The following CAB39 variants were observed in gnomAD, a reference collection of about 807,000 sequenced individuals.
CAB39 encodes the protein calcium binding protein 39, also known as calcium-binding protein 39.
A neutral mutation model predicts 40.0 loss-of-function variants in CAB39; 8 were observed. That is an observed-to-expected ratio of 0.20 (90% CI 0.12 to 0.36). The LOEUF (loss-of-function observed/expected upper bound fraction) is 0.36, where lower values mean the gene tolerates loss of function less well. CAB39 is among the 10% of genes least tolerant of loss of function. The pLI is 1.00. For missense variants in CAB39, 270 were observed against 401.1 expected, an observed-to-expected ratio of 0.67 and a Z score of 2.79; for synonymous variants, 156 against 141.6, an observed-to-expected ratio of 1.10 and a Z score of -0.72.
intron 2 of CAB39, among the ~76,000 whole-genome samples, chr2:230,783,665 A>AT (rs1319104994): frequency 1.3e-5 from 2 of 150,466 alleles, no homozygotes; most frequent in African/African-American, 4.9e-5. Context: ...TGCCCAGCTA[A>AT]TTTTTTGTAT....
intron 5 of CAB39, among the ~76,000 whole-genome samples, chr2:230,802,507 C>G (rs919735745): frequency 1.3e-5 from 2 of 151,840 alleles, no homozygotes; most frequent in African/African-American, 4.8e-5. Context: ...ATTGATAGAC[C>G]GCTAGCAAGA....
At chr2:230,790,750 T>C (rs572210446) in intron 2 of CAB39, 122 bp from the exon 3 acceptor site, 1 of 817,500 alleles carries the variant, frequency 1.2e-6, no homozygotes, top group South Asian at 1.8e-5. Context: ...CCACTTTGCT[T>C]CTTGTTCATA....
chr2:230,782,822 T>C (rs1283739738), intron 2 of CAB39, among the ~76,000 whole-genome samples: 2 of 141,154 alleles, frequency 1.4e-5, no homozygotes, highest in Non-Finnish European at 3.0e-5. Flanking sequence ...TCTTTTTTTT[T>C]TTTTTTTTTT....
chr2:230,728,788 T>TA (rs1463662768), intron 1 of CAB39, among the ~76,000 whole-genome samples: 2 of 152,076 alleles, frequency 1.3e-5, no homozygotes, highest in African/African-American at 4.8e-5. Context: ...ATTTTTTAAA[T>TA]TTTTTGTGGA....
intron 2 of CAB39, among the ~76,000 whole-genome samples, chr2:230,774,796 G>A (rs552017614): frequency 1.3e-5 from 2 of 151,654 alleles, no homozygotes; most frequent in Non-Finnish European, 2.9e-5. Flanking sequence ...ACACCAGAAG[G>A]TTATTAATAG....
chr2:230,713,368 G>A (rs984425657), intron 1 of CAB39, 138 bp downstream of exon 1: 3 of 152,312 alleles, frequency 2.0e-5, no homozygotes, highest in Admixed American at 1.3e-4. Flanking sequence ...TGTCCCCGGA[G>A]CCCCCGGGAG....
Position 230,819,548 on chromosome 2 carries a change from A to ATGT in CAB39, c.*845_*847dup, listed in dbSNP as rs1355023535. 6.5e-6 allele frequency: 1 copy of ATGT among 152,680 alleles called. No homozygotes were observed. Among genetic ancestry groups the ATGT allele is most frequent in the East Asian group, 1.9e-4 (1 of 5,204 alleles). The allele number at this position is 152,680 out of a possible 1,614,324, so 9.5% of individuals were successfully genotyped here. On this transcript the variant is annotated 3_prime_UTR_variant, in exon 9 of 9. Coordinates refer to ENST00000258418, the MANE Select transcript of CAB39 (RefSeq NM_016289.4). ...AGCAGAGGAATGTTATTGTAGTAGT[A>ATGT]TGTAACTATTACCTAATACTGAGTT...
chr2:230,730,172 C>T (rs945696243), intron 1 of CAB39, among the ~76,000 whole-genome samples: 2 of 152,048 alleles, frequency 1.3e-5, no homozygotes, highest in Admixed American at 1.3e-4. Context: ...TTCAGCGGCA[C>T]GATCATGGTT....
rs532353156 is a variant in CAB39, at chr2:230,762,108, A to G, written c.114+1993A>G. Among the ~76,000 whole-genome samples, 40 of 152,186 alleles carry G rather than the reference A, an allele frequency of 2.6e-4. No individual in the cohort carries two copies. The South Asian group carries it at 7.7e-3, about 29-fold the overall frequency. The stretch of plus-strand genomic sequence containing the variant: ...GTTTTAGTAGAGACGGGGTTTCACT[A>G]TATTGGTCAGGCTGGTCTCGAACTC... On this transcript the variant is annotated intron_variant, in intron 2 of 8. Coordinates refer to ENST00000258418, the MANE Select transcript of CAB39 (RefSeq NM_016289.4).
intron 5 of CAB39, among the ~76,000 whole-genome samples, chr2:230,803,214 G>A (rs1696124355): frequency 6.6e-6 from 1 of 152,166 alleles, no homozygotes; most frequent in Non-Finnish European, 1.5e-5. Context: ...AGCCTTTCGT[G>A]CTAAAAACTC....
At chr2:230,716,578 A>C (rs1482083978) in intron 1 of CAB39, among the ~76,000 whole-genome samples, 1 of 152,168 alleles carries the variant, frequency 6.6e-6, no homozygotes, top group Non-Finnish European at 1.5e-5. Flanking sequence ...AAAATGTTTT[A>C]ATTAAAAGAG....
chr2:230,820,264 T>A lies in CAB39; in HGVS notation c.*1560T>A, dbSNP rs1245549667. On this transcript the variant is annotated 3_prime_UTR_variant, in exon 9 of 9. Coordinates refer to ENST00000258418, the MANE Select transcript of CAB39 (RefSeq NM_016289.4). ...GATATGATTATTCTTTGCTAGCCTC[T>A]CTTACTAATGGAATTATATACTGGC... 3 of 152,276 alleles carry A rather than the reference T, an allele frequency of 2.0e-5. No homozygotes were observed. In the South Asian group the frequency reaches 6.2e-4, roughly 32 times the overall value. The allele number at this position is 152,276 out of a possible 1,614,324, so 9.4% of individuals were successfully genotyped here.
chr2:230,813,548 T>G (rs1164570277), intron 6 of CAB39, among the ~76,000 whole-genome samples: 1 of 152,198 alleles, frequency 6.6e-6, no homozygotes, highest in African/African-American at 2.4e-5. Flanking sequence ...TAATTTCTAT[T>G]CCGAATTACT....
At chr2:230,811,471 T>C (rs1188981975) in intron 6 of CAB39, among the ~76,000 whole-genome samples, 1 of 152,238 alleles carries the variant, frequency 6.6e-6, no homozygotes, top group Non-Finnish European at 1.5e-5. Flanking sequence ...GTTTCTTGTA[T>C]GTTCATTGCT....
chr2:230,734,462 G>A (rs1398805035), intron 1 of CAB39, among the ~76,000 whole-genome samples: 1 of 152,112 alleles, frequency 6.6e-6, no homozygotes, highest in Non-Finnish European at 1.5e-5. Flanking sequence ...GTCAGGTAAG[G>A]CCATAGTACC....
intron 2 of CAB39, among the ~76,000 whole-genome samples, chr2:230,780,787 A>G (rs1695673387): frequency 6.6e-6 from 1 of 152,188 alleles, no homozygotes; most frequent in Non-Finnish European, 1.5e-5. Context: ...TTTTGTCATT[A>G]ATAAGTATCT....
intron 1 of CAB39, among the ~76,000 whole-genome samples, chr2:230,735,390 C>A (rs1257253735): frequency 6.6e-6 from 1 of 152,180 alleles, no homozygotes; most frequent in African/African-American, 2.4e-5. Flanking sequence ...TGGTCTTGAA[C>A]TCCTGGCCTC....
chr2:230,730,240 C>G (rs1166662203), intron 1 of CAB39, among the ~76,000 whole-genome samples: 1 of 152,124 alleles, frequency 6.6e-6, no homozygotes, highest in African/African-American at 2.4e-5. Flanking sequence ...TCTCGAGTAG[C>G]TGGGACTGCA....
chr2:230,810,962 A>C (rs201470139), intron 6 of CAB39, among the ~76,000 whole-genome samples: 1 of 152,138 alleles, frequency 6.6e-6, no homozygotes, highest in African/African-American at 2.4e-5. Context: ...GACCCGCACA[A>C]CTGCCTCTAG....
Sources: allele counts gnomAD v4.1 joint callset (sites outside exome capture counted in the v4.1 genomes callset), GRCh38; gene constraint gnomAD v4.1.1; transcripts MANE v1.5; gene names NCBI Gene and HGNC (gene_info 2026-07-23, HGNC 2026-07-21).